The following SPATA6L variants were observed in gnomAD, a reference collection of about 807,000 sequenced individuals.
The protein encoded by SPATA6L is spermatogenesis associated 6 like, also known as spermatogenesis associated 6-like protein.
A neutral mutation model predicts 49.2 loss-of-function variants in SPATA6L; 68 were observed. The ratio of observed to expected loss-of-function variants is 1.38; its 90% CI spans 1.14 to 1.69. The LOEUF (loss-of-function observed/expected upper bound fraction) is 1.69, where lower values mean the gene tolerates loss of function less well. Among genes scored for constraint, SPATA6L ranks in the 40% most tolerant of loss-of-function variants. The pLI is 0.00. For missense variants in SPATA6L, 668 were observed against 464.3 expected (o/e 1.44, Z -4.03); for synonymous variants, 198 against 165.7 (o/e 1.19, Z -1.50).
chr9:4,629,769 G>GTGTGTGTGTTTATATATATATATATA (rs1311805859), intron 4 of SPATA6L, among the ~76,000 whole-genome samples: 1 of 101,936 alleles, frequency 9.8e-6, no homozygotes, highest in African/African-American at 5.0e-5. Flanking sequence ...GTGTGTGTGT[G>GTGTGTGTGTTTATATATATATATATA]TATATATATA....
intron 3 of SPATA6L, among the ~76,000 whole-genome samples, chr9:4,636,136 A>T (rs1361492539): frequency 6.6e-6 from 1 of 152,008 alleles, no homozygotes; most frequent in African/African-American, 2.4e-5. Context: ...TAATTTGGAA[A>T]TACACTGAAT....
intron 11 of SPATA6L, 137 bp downstream of exon 11, chr9:4,604,042 C>T (rs1052211852): frequency 3.5e-6 from 2 of 575,180 alleles, no homozygotes; most frequent in East Asian, 3.0e-5. Context: ...GGGAAGAACG[C>T]AGTTCTCAGG....
intron 9 of SPATA6L, among the ~76,000 whole-genome samples, chr9:4,612,456 G>C (rs1193005259): frequency 6.6e-6 from 1 of 152,002 alleles, no homozygotes; most frequent in Non-Finnish European, 1.5e-5. Flanking sequence ...CAACCCCAGG[G>C]GCTCACTACT....
chr9:4,638,092 T>C (rs1049637996), intron 3 of SPATA6L, among the ~76,000 whole-genome samples: 1 of 152,128 alleles, frequency 6.6e-6, no homozygotes, highest in African/African-American at 2.4e-5. Flanking sequence ...AGTCTAAGAG[T>C]ATTAAACAAT....
intron 3 of SPATA6L, among the ~76,000 whole-genome samples, chr9:4,644,183 C>CAAAAAAAAAAAA (rs58325546): frequency 4.4e-5 from 2 of 45,668 alleles, no homozygotes; most frequent in African/African-American, 1.2e-4. Context: ...GCCATCTCTG[C>CAAAAAAAAAAAA]AAAAAAAAAA....
At chr9:4,665,377 G>A (rs902306314) in intron 1 of SPATA6L, 2 of 152,330 alleles carry the variant, frequency 1.3e-5, no homozygotes, top group African/African-American at 4.8e-5. Flanking sequence ...AACTGGTATA[G>A]CACTACTAAT....
intron 4 of SPATA6L, among the ~76,000 whole-genome samples, chr9:4,634,831 C>A (rs1302345599): frequency 3.3e-5 from 5 of 152,132 alleles, no homozygotes; most frequent in Non-Finnish European, 5.9e-5. Context: ...TATCAATTTG[C>A]GAGCCTCTGT....
In SPATA6L at chr9:4,666,372, A is replaced by C. The variant is rs1840867924; in HGVS notation, c.-122T>G. On this transcript the variant is annotated 5_prime_UTR_variant, in exon 1 of 12. Coordinates refer to ENST00000682582, the MANE Select transcript of SPATA6L (RefSeq NM_001353486.2). ...TGTTCCCAGAAGCTTCCCCAGTCCCACGCCCTTGTTCCCCTACCGTCCCCC... is the reference window on the plus strand; with the variant it reads ...TGTTCCCAGAAGCTTCCCCAGTCCCCCGCCCTTGTTCCCCTACCGTCCCCC... The C allele has an allele frequency of 3.8e-5, 40 of 1,046,382 alleles. No homozygotes were observed. The South Asian group carries it at 4.9e-4, about 13-fold the overall frequency. 64.8% of individuals were successfully genotyped at this position (1,046,382 alleles called of 1,614,324 possible).
chr9:4,662,317 A>G lies in SPATA6L; in HGVS notation c.40-281T>C, dbSNP rs923686240. The G allele has an allele frequency of 1.7e-4, 250 of 1,441,874 alleles. No homozygotes were observed. Among genetic ancestry groups the G allele is most frequent in the Non-Finnish European group, 2.2e-4 (246 of 1,103,506 alleles). The allele number at this position is 1,441,874 out of a possible 1,614,324, so 89.3% of individuals were successfully genotyped here. A position where few individuals can be genotyped will look rare whatever the true frequency, so the allele number is the denominator to read the frequency against. On this transcript the variant is annotated intron_variant, in intron 1 of 11. Transcript: ENST00000682582. The surrounding 1 kb of genome is among the most constrained non-coding windows in gnomAD (Gnocchi z 4.9). ...GTAGTGCGGAAGCGGAAGAGGCTGCAGGGCCGGGAAGCCTCTGTTTGGTCC... is the reference window on the plus strand; with the variant it reads ...GTAGTGCGGAAGCGGAAGAGGCTGCGGGGCCGGGAAGCCTCTGTTTGGTCC...
intron 4 of SPATA6L, 136 bp from the exon 5 acceptor site, chr9:4,629,304 A>C: frequency 3.5e-6 from 2 of 577,842 alleles, no homozygotes; most frequent in East Asian, 6.0e-5. Context: ...TAAAATATAT[A>C]TGTAATAAGA....
chr9:4,662,407 G>A lies in SPATA6L; in HGVS notation c.40-371C>T. On this transcript the variant is annotated intron_variant, in intron 1 of 11. Transcript: ENST00000682582. The surrounding 1 kb of genome is among the most constrained non-coding windows in gnomAD (Gnocchi z 4.9). ...AGTCCCCGGAGGAGCATGGAGGGACGGCCGCTGGGCGTCTCCGCTTCGAGC... is the reference window on the plus strand; with the variant it reads ...AGTCCCCGGAGGAGCATGGAGGGACAGCCGCTGGGCGTCTCCGCTTCGAGC... The A allele has an allele frequency of 1.3e-6, 2 of 1,535,704 alleles. No homozygotes were observed.
intron 3 of SPATA6L, among the ~76,000 whole-genome samples, chr9:4,636,627 G>A (rs566807913): frequency 6.6e-6 from 1 of 152,158 alleles, no homozygotes; most frequent in Non-Finnish European, 1.5e-5. Context: ...CTTTACTTAT[G>A]AGAAGAATTC....
At chr9:4,594,646 G>A (rs575349936), downstream of SPATA6L, among the ~76,000 whole-genome samples, 7 of 152,126 alleles carry the variant, frequency 4.6e-5, no homozygotes, top group South Asian at 4.1e-4. Flanking sequence ...ATTTGAATCC[G>A]TCTGCTCTGG....
Position 4,648,563 on chromosome 9 carries a change from G to C in SPATA6L, c.226+7478C>G, listed in dbSNP as rs923262550. 3.2e-4 allele frequency among the ~76,000 whole-genome samples: 48 copies of C among 151,764 alleles called. 1 individual carries two copies. Among genetic ancestry groups the C allele is most frequent in the African/African-American group, 1.1e-3 (47 of 41,210 alleles). Reference sequence around the variant, plus strand: ...AAAATACAAAAAATTAGCCGGGCGTGGTGGCGGGAGCCTGTGGTCCCAGCT... The same window carrying C: ...AAAATACAAAAAATTAGCCGGGCGTCGTGGCGGGAGCCTGTGGTCCCAGCT... On this transcript the variant is annotated intron_variant, in intron 3 of 11. Transcript: ENST00000682582.
chr9:4,662,996 G>C lies in SPATA6L; in HGVS notation c.40-960C>G, dbSNP rs1319105019. The C allele has an allele frequency of 1.9e-6, 3 of 1,610,120 alleles. No individual in the cohort carries two copies. Among genetic ancestry groups the C allele is most frequent in the Non-Finnish European group, 2.5e-6 (3 of 1,178,812 alleles). On this transcript the variant is annotated intron_variant, in intron 1 of 11. Coordinates refer to ENST00000682582, the MANE Select transcript of SPATA6L (RefSeq NM_001353486.2). The surrounding 1 kb of genome is among the most constrained non-coding windows in gnomAD (Gnocchi z 4.9). Reference sequence around the variant, plus strand: ...TGTTTGTCACTCTCTCGGTGGACAAGTACTCCTTCCCCTCGGGCCATGCCA... The same window carrying C: ...TGTTTGTCACTCTCTCGGTGGACAACTACTCCTTCCCCTCGGGCCATGCCA...
intron 5 of SPATA6L, chr9:4,626,727 G>C (rs1486870957): frequency 2.6e-6 from 1 of 389,630 alleles, no homozygotes; most frequent in Non-Finnish European, 4.6e-6. Flanking sequence ...TATCAGTTAA[G>C]TGCTCAACAA....
At chr9:4,624,436 A>G (rs1829963386) in intron 6 of SPATA6L, among the ~76,000 whole-genome samples, 3 of 152,186 alleles carry the variant, frequency 2.0e-5, no homozygotes, top group African/African-American at 4.8e-5. Context: ...TATAGTAGCA[A>G]AAAAATTGTA....
intron 10 of SPATA6L, 127 bp downstream of exon 10, chr9:4,605,220 T>G (rs1824448299): frequency 5.6e-6 from 4 of 711,280 alleles, no homozygotes; most frequent in Non-Finnish European, 9.8e-6. Context: ...ATCTCCTTGG[T>G]AAGCCTCACA....
chr9:4,622,612 G>C, intron 6 of SPATA6L, 102 bp from the exon 7 acceptor site: 6 of 791,964 alleles, frequency 7.6e-6, no homozygotes, highest in Admixed American at 2.5e-5. Flanking sequence ...CTGATTACAC[G>C]GGTTGGAAAA....
Sources: allele counts gnomAD v4.1 joint callset (sites outside exome capture counted in the v4.1 genomes callset), GRCh38; gene constraint gnomAD v4.1.1; non-coding constraint Gnocchi (gnomAD v3.1); transcripts MANE v1.5; gene names NCBI Gene and HGNC (gene_info 2026-07-23, HGNC 2026-07-21).